ELMO1: variants seen among roughly 807,000 people sequenced by gnomAD.
ELMO1 encodes engulfment and cell motility 1, also known as engulfment and cell motility protein 1.
Under a neutral mutation model 98.9 loss-of-function variants are expected in ELMO1, and 26 were observed. The ratio of observed to expected loss-of-function variants is 0.26; its 90% CI spans 0.19 to 0.36. ELMO1 has a LOEUF of 0.36. ELMO1 is among the 10% of genes least tolerant of loss of function. The pLI, the probability that ELMO1 is intolerant of heterozygous loss-of-function variation, is 1.00. For missense variants in ELMO1, 627 were observed against 935.2 expected, an observed-to-expected ratio of 0.67 and a Z score of 4.30; for synonymous variants, 346 against 346.0, an observed-to-expected ratio of 1.00 and a Z score of 0.00.
chr7:37,400,163 T>C (rs1803464576), intron 1 of ELMO1, among the ~76,000 whole-genome samples: 1 of 152,164 alleles, frequency 6.6e-6, no homozygotes. Flanking sequence ...AGATGACACA[T>C]GTAAATATAG....
chr7:37,176,864 A>T (rs1790526353), intron 13 of ELMO1, among the ~76,000 whole-genome samples: 1 of 152,270 alleles, frequency 6.6e-6, no homozygotes, highest in African/African-American at 2.4e-5. Context: ...ACACAGTTAT[A>T]GCTTTTAGAC....
intron 15 of ELMO1, among the ~76,000 whole-genome samples, chr7:37,014,036 A>T (rs559962128): frequency 2.0e-5 from 3 of 152,274 alleles, no homozygotes; most frequent in African/African-American, 7.2e-5. Flanking sequence ...CAACCTGAAT[A>T]GCTTTGAAGG....
chr7:37,381,236 G>A (rs1175202374), intron 1 of ELMO1, among the ~76,000 whole-genome samples: 7 of 152,226 alleles, frequency 4.6e-5, no homozygotes, highest in African/African-American at 1.7e-4. Flanking sequence ...GCTGTAGAGT[G>A]AGAACTGATC....
At chr7:37,440,301 G>A (rs1264038222) in intron 1 of ELMO1, among the ~76,000 whole-genome samples, 1 of 152,088 alleles carries the variant, frequency 6.6e-6, no homozygotes, top group African/African-American at 2.4e-5. Context: ...AATTAGCCAG[G>A]TGTGATGGCA....
chr7:37,387,222 G>A (rs543755184), intron 1 of ELMO1, among the ~76,000 whole-genome samples: 1 of 152,206 alleles, frequency 6.6e-6, no homozygotes, highest in Non-Finnish European at 1.5e-5. Flanking sequence ...AGTGCCAATG[G>A]ATTAGTTCCG....
At chr7:37,377,136 T>A (rs1162252859) in intron 1 of ELMO1, among the ~76,000 whole-genome samples, 3 of 152,182 alleles carry the variant, frequency 2.0e-5, no homozygotes, top group Non-Finnish European at 2.9e-5. Context: ...GACTGCAAGT[T>A]TTGGAGAGTA....
intron 8 of ELMO1, among the ~76,000 whole-genome samples, chr7:37,228,148 T>A (rs1793969700): frequency 6.6e-6 from 1 of 152,196 alleles, no homozygotes. Context: ...GACCTAATAC[T>A]TCCACTTAAT....
chr7:36,925,141 C>T (rs922556651), intron 16 of ELMO1, among the ~76,000 whole-genome samples: 1 of 152,158 alleles, frequency 6.6e-6, no homozygotes, highest in Non-Finnish European at 1.5e-5. Flanking sequence ...ACCTTTGACT[C>T]CTTGTAAAGT....
At chr7:36,929,990 A>C (rs1033501787) in intron 16 of ELMO1, among the ~76,000 whole-genome samples, 1 of 152,180 alleles carries the variant, frequency 6.6e-6, no homozygotes, top group Admixed American at 6.5e-5. Context: ...CAAGGCCCTA[A>C]ATTATGTTGA....
At chr7:37,307,190 A>G (rs1465254238) in intron 4 of ELMO1, among the ~76,000 whole-genome samples, 1 of 152,222 alleles carries the variant, frequency 6.6e-6, no homozygotes, top group Admixed American at 6.5e-5. Flanking sequence ...AATTTGATAT[A>G]AATTAGTCAG....
At chr7:36,927,182 A>T (rs1785649040) in intron 16 of ELMO1, among the ~76,000 whole-genome samples, 1 of 152,222 alleles carries the variant, frequency 6.6e-6, no homozygotes. Flanking sequence ...AAACCGAGGC[A>T]ACTTGCCTGG....
chr7:37,051,731 T>C (rs1370624851), intron 15 of ELMO1, among the ~76,000 whole-genome samples: 2 of 152,176 alleles, frequency 1.3e-5, no homozygotes, highest in Admixed American at 6.5e-5. Context: ...GCTATTAAAA[T>C]CTGGCTATAT....
intron 14 of ELMO1, among the ~76,000 whole-genome samples, chr7:37,131,224 G>A (rs1786897836): frequency 6.6e-6 from 1 of 151,914 alleles, no homozygotes; most frequent in South Asian, 2.1e-4. Flanking sequence ...AAAAATTAGG[G>A]AAAGGACACT....
intron 1 of ELMO1, among the ~76,000 whole-genome samples, chr7:37,371,907 G>A (rs1446792398): frequency 6.6e-6 from 1 of 152,182 alleles, no homozygotes; most frequent in South Asian, 2.1e-4. Flanking sequence ...GAGATGGGTT[G>A]GGGGAGGTTG....
intron 2 of ELMO1, among the ~76,000 whole-genome samples, chr7:37,339,873 C>T (rs1031458552): frequency 2.0e-5 from 3 of 151,422 alleles, no homozygotes; most frequent in Non-Finnish European, 2.9e-5. Context: ...ATATGATGAG[C>T]CAAAAAGGAC....
chr7:37,252,825 T>C (rs1241189300), intron 6 of ELMO1, among the ~76,000 whole-genome samples: 2 of 152,166 alleles, frequency 1.3e-5, no homozygotes, highest in Non-Finnish European at 2.9e-5. Context: ...TTTTGCAATA[T>C]AGCCATCTGA....
At chr7:37,283,015 C>T (rs990761374) in intron 4 of ELMO1, among the ~76,000 whole-genome samples, 3 of 152,136 alleles carry the variant, frequency 2.0e-5, no homozygotes, top group Non-Finnish European at 2.9e-5. Flanking sequence ...AAACACAGAA[C>T]ATGAAGGTGA....
intron 14 of ELMO1, among the ~76,000 whole-genome samples, chr7:37,128,179 TGA>T (rs1174296111): frequency 6.6e-6 from 1 of 151,484 alleles, no homozygotes; most frequent in East Asian, 1.9e-4. Context: ...GGCAAAAGAG[TGA>T]GACTGTATCT....
intron 13 of ELMO1, among the ~76,000 whole-genome samples, chr7:37,203,207 C>T (rs1792399273): frequency 6.6e-6 from 1 of 152,126 alleles, no homozygotes. Context: ...ACAAAGAGGA[C>T]TGAGCAAAAT....
Sources: gnomAD v4.1 joint callset for allele counts (sites outside exome capture counted in the v4.1 genomes callset) on GRCh38, gnomAD v4.1.1 for gene constraint, MANE v1.5 for transcripts, NCBI Gene and HGNC (gene_info 2026-07-23, HGNC 2026-07-21) for gene names.